The following DPP10 variants were observed in gnomAD, a reference collection of about 807,000 sequenced individuals.
DPP10 encodes inactive dipeptidyl peptidase 10.
DPP10 carries 33 observed loss-of-function variants against 120.9 expected under a neutral mutation model. The ratio of observed to expected loss-of-function variants is 0.27; its 90% CI spans 0.21 to 0.37. The LOEUF (loss-of-function observed/expected upper bound fraction) is 0.37. Ranked by LOEUF, DPP10 falls within the 10% of genes least tolerant of loss-of-function variation. The pLI, the probability that DPP10 is intolerant of heterozygous loss-of-function variation, is 1.00. For synonymous variants in DPP10, 337 were observed against 326.1 expected (o/e 1.03, Z -0.36); for missense variants, 816 against 942.8 (o/e 0.87, Z 1.76).
At chr2:114,808,543 CT>C (rs71394111) in intron 1 of DPP10, among the ~76,000 whole-genome samples, 742 of 135,966 alleles carry the variant, frequency 5.5e-3, no homozygotes, top group Middle Eastern at 7.8e-3. Context: ...CGGAATCTAA[CT>C]TTTTTTTTTT....
chr2:115,290,466 C>T (rs2060607747), intron 1 of DPP10, among the ~76,000 whole-genome samples: 1 of 152,120 alleles, frequency 6.6e-6, no homozygotes, highest in Admixed American at 6.6e-5. Flanking sequence ...TAGAATCTAA[C>T]ACTAGGAACA....
chr2:114,724,023 A>T (rs1701882285), intron 1 of DPP10, among the ~76,000 whole-genome samples: 1 of 152,196 alleles, frequency 6.6e-6, no homozygotes, highest in African/African-American at 2.4e-5. Context: ...CGAGGAAAAG[A>T]AAATATATTT....
intron 1 of DPP10, chr2:114,833,378 T>C (rs952985125): frequency 2.0e-5 from 3 of 152,060 alleles, no homozygotes; most frequent in African/African-American, 7.2e-5. Flanking sequence ...TTTCCCAGGT[T>C]TCAGCTGATA....
At chr2:115,378,732 T>C (rs537158887) in intron 3 of DPP10, among the ~76,000 whole-genome samples, 29 of 152,268 alleles carry the variant, frequency 1.9e-4, no homozygotes, top group African/African-American at 6.0e-4. Flanking sequence ...ATCCCATCAA[T>C]CCCTAATTTA....
intron 4 of DPP10, among the ~76,000 whole-genome samples, chr2:115,524,962 A>G (rs528171449): frequency 8.1e-4 from 123 of 152,150 alleles, no homozygotes; most frequent in African/African-American, 2.8e-3. Context: ...TGGGGTCCCT[A>G]TGTAAAACAA....
rs867025012 is a variant in DPP10, at chr2:115,183,390, C to A, written c.61-125849C>A. 6.7e-4 allele frequency among the ~76,000 whole-genome samples: 102 copies of A among 152,234 alleles called. No homozygotes were observed. The Middle Eastern group carries it at 0.01, about 15-fold the overall frequency. Reference sequence around the variant, plus strand: ...CTTGGTGCTTTGGGTTAAATGCCCCCCAGCGGTCATCCAATAGAACCTTTT... The same window carrying A: ...CTTGGTGCTTTGGGTTAAATGCCCCACAGCGGTCATCCAATAGAACCTTTT... On this transcript the variant is annotated intron_variant, in intron 1 of 25. Coordinates refer to ENST00000410059, the MANE Select transcript of DPP10 (RefSeq NM_020868.6).
chr2:115,534,099 T>A (rs563720757), intron 5 of DPP10, among the ~76,000 whole-genome samples: 17 of 139,768 alleles, frequency 1.2e-4, no homozygotes, highest in Middle Eastern at 3.5e-3. Context: ...TTATTTATTT[T>A]TTTATTTTTT....
chr2:114,719,862 C>T (rs989599981), intron 1 of DPP10, among the ~76,000 whole-genome samples: 10 of 152,132 alleles, frequency 6.6e-5, no homozygotes, highest in Non-Finnish European at 1.3e-4. Context: ...TTTTTAGGAG[C>T]ATTCAATAGC....
chr2:115,733,533 A>G (rs910317937), intron 8 of DPP10, among the ~76,000 whole-genome samples: 1 of 152,014 alleles, frequency 6.6e-6, no homozygotes, highest in African/African-American at 2.4e-5. Flanking sequence ...GGGGAGTGAG[A>G]AAGTTATGAA....
intron 1 of DPP10, among the ~76,000 whole-genome samples, chr2:115,044,818 C>T (rs2105317167): frequency 6.6e-6 from 1 of 152,262 alleles, no homozygotes; most frequent in East Asian, 1.9e-4. Flanking sequence ...TCTCTATCTC[C>T]ATAGGTTCAA....
At chr2:115,519,810 G>T (rs1394571291) in intron 4 of DPP10, among the ~76,000 whole-genome samples, 2 of 151,910 alleles carry the variant, frequency 1.3e-5, no homozygotes, top group African/African-American at 4.8e-5. Flanking sequence ...TGGTCCACTG[G>T]CTTTCTAAAA....
chr2:115,227,922 T>TC (rs1326488510), intron 1 of DPP10, among the ~76,000 whole-genome samples: 2 of 108,250 alleles, frequency 1.8e-5, no homozygotes, highest in African/African-American at 3.3e-5. Context: ...TTCTTTTTTT[T>TC]CCTTTTTTTT....
chr2:115,624,705 T>C (rs1250482990), intron 5 of DPP10, among the ~76,000 whole-genome samples: 1 of 152,230 alleles, frequency 6.6e-6, no homozygotes, highest in Non-Finnish European at 1.5e-5. Context: ...GCAATAAATA[T>C]AGTTACCAAC....
intron 5 of DPP10, among the ~76,000 whole-genome samples, chr2:115,644,232 A>G (rs542368128): frequency 6.6e-6 from 1 of 152,284 alleles, no homozygotes; most frequent in African/African-American, 2.4e-5. Context: ...TTACGTATGT[A>G]TACATGTGCC....
chr2:115,670,701 C>T (rs2149439942), intron 5 of DPP10, among the ~76,000 whole-genome samples: 1 of 152,210 alleles, frequency 6.6e-6, no homozygotes, highest in East Asian at 1.9e-4. Context: ...CAAATAAGGA[C>T]TATGTATTCA....
At chr2:115,740,828 T>G (rs1158625210) in intron 9 of DPP10, among the ~76,000 whole-genome samples, 1 of 152,138 alleles carries the variant, frequency 6.6e-6, no homozygotes, top group Non-Finnish European at 1.5e-5. Flanking sequence ...ATATTAATCA[T>G]GTAAAGAAGT....
At chr2:115,385,517 G>T (rs982288373) in intron 3 of DPP10, among the ~76,000 whole-genome samples, 2 of 151,866 alleles carry the variant, frequency 1.3e-5, no homozygotes, top group African/African-American at 4.8e-5. Flanking sequence ...CACCATGCTC[G>T]GCTAATTTTT....
chr2:114,485,644 T>C (rs1219008900), intron 1 of DPP10, among the ~76,000 whole-genome samples: 1 of 152,002 alleles, frequency 6.6e-6, no homozygotes, highest in Non-Finnish European at 1.5e-5. Flanking sequence ...TGATCTTTGA[T>C]TAACAGGTCT....
intron 1 of DPP10, among the ~76,000 whole-genome samples, chr2:114,885,292 G>T (rs994121401): frequency 6.6e-6 from 1 of 152,072 alleles, no homozygotes; most frequent in Admixed American, 6.6e-5. Flanking sequence ...CGCAGGTGCC[G>T]CAAACTTTTA....
Sources: allele counts gnomAD v4.1 joint callset (sites outside exome capture counted in the v4.1 genomes callset), GRCh38; gene constraint gnomAD v4.1.1; transcripts MANE v1.5; gene names NCBI Gene and HGNC (gene_info 2026-07-23, HGNC 2026-07-21).